The following ABI3BP variants were observed in gnomAD, a reference collection of about 807,000 sequenced individuals.
The protein encoded by ABI3BP is target of Nesh-SH3.
Under a neutral mutation model 268.6 loss-of-function variants are expected in ABI3BP, and 216 were observed. The ratio of observed to expected loss-of-function variants is 0.80; its 90% CI spans 0.72 to 0.90. ABI3BP has a LOEUF of 0.90. ABI3BP is among the 40% of genes least tolerant of loss of function. The pLI, the probability that ABI3BP is intolerant of heterozygous loss-of-function variation, is 0.00. For synonymous variants in ABI3BP, 730 were observed against 730.0 expected, an observed-to-expected ratio of 1.00 and a Z score of 0.00; for missense variants, 2,090 against 2,182.4, an observed-to-expected ratio of 0.96 and a Z score of 0.84.
rs150792696 is a variant in ABI3BP, at chr3:100,881,845, T to C, written c.696+3691A>G. On this transcript the variant is annotated intron_variant, in intron 6 of 67. Coordinates refer to ENST00000471714, the MANE Select transcript of ABI3BP (RefSeq NM_001375547.2). ...GAGCAATATTGAAAACATTTAACAA[T>C]TGGTAGAACAAAGGTACTAGCCAAC... 2.3e-3 allele frequency among the ~76,000 whole-genome samples: 352 copies of C among 152,276 alleles called. 1 individual carries two copies. Among genetic ancestry groups the C allele is most frequent in the Non-Finnish European group, 3.8e-3 (260 of 68,016 alleles).
chr3:100,875,608 G>A (rs1420486307), intron 7 of ABI3BP, 29 bp from the exon 8 acceptor site: 2 of 1,544,458 alleles, frequency 1.3e-6, no homozygotes, highest in Middle Eastern at 1.7e-4. Flanking sequence ...ACAGTGTGAG[G>A]GGGTGGGAAA....
chr3:100,827,486 A>G (rs977803618), intron 34 of ABI3BP, among the ~76,000 whole-genome samples: 15 of 152,146 alleles, frequency 9.9e-5, no homozygotes, highest in African/African-American at 3.6e-4. Flanking sequence ...TGTGCTGTGC[A>G]TGATATGTTC....
chr3:100,763,559 G>T lies in ABI3BP; in HGVS notation c.4850+2282C>A, dbSNP rs192182516. ...GGATAGGTTTTAGGGGTCCTCCTCA[G>T]AAGGCCCACTGACAAAAGACAGGAG... On this transcript the variant is annotated intron_variant, in intron 63 of 67. Coordinates refer to ENST00000471714, the MANE Select transcript of ABI3BP (RefSeq NM_001375547.2). Among the ~76,000 whole-genome samples, 634 of 152,248 alleles carry T rather than the reference G, an allele frequency of 4.2e-3. 4 individuals are homozygous for T. Among genetic ancestry groups the T allele is most frequent in the African/African-American group, 0.015 (604 of 41,540 alleles).
At chr3:100,859,952 G>A (rs9830090) in intron 14 of ABI3BP, among the ~76,000 whole-genome samples, 51,595 of 151,960 alleles carry the variant, frequency 0.34, 9,363 homozygotes, top group African/African-American at 0.46. Flanking sequence ...GGTGCCTGTA[G>A]TCTCAGCTAC....
At chr3:100,838,521 T>A (rs2098640392) in intron 24 of ABI3BP, 57 bp from the exon 25 acceptor site, 1 of 1,336,268 alleles carries the variant, frequency 7.5e-7, no homozygotes, top group Non-Finnish European at 1.0e-6. Flanking sequence ...CTGTCAAAAT[T>A]AAGGACAATT....
rs144604645 is a variant in ABI3BP at position 100,869,330 on chromosome 3, G to GTTTTTTTTTTTTTTTTTTTTTTTT, written c.911-2398_911-2375dup. The stretch of plus-strand genomic sequence containing the variant: ...ATATTGTTTTTTCTTCTTCTTTTTG[G>GTTTTTTTTTTTTTTTTTTTTTTTT]TTTTTTTTTTTTTTTTTTTTTTTTT... On this transcript the variant is annotated intron_variant, in intron 9 of 67. Transcript: ENST00000471714. Among the ~76,000 whole-genome samples, 135 of 49,760 alleles carry GTTTTTTTTTTTTTTTTTTTTTTTT rather than the reference G, an allele frequency of 2.7e-3. 28 individuals are homozygous for GTTTTTTTTTTTTTTTTTTTTTTTT. The highest frequency in any genetic ancestry group is 6.2e-3 in the East Asian group (8 of 1,294). 32.6% of individuals were successfully genotyped at this position (49,760 alleles called of 152,430 possible).
chr3:100,840,318 T>C lies in ABI3BP; in HGVS notation c.1805-154A>G, dbSNP rs2098673728. Among the ~76,000 whole-genome samples the C allele has an allele frequency of 2.0e-5, 3 of 152,196 alleles. No individual in the cohort carries two copies. The South Asian group carries it at 6.2e-4, about 31-fold the overall frequency. ...CAAACTTCTATCATTATTTATGTAG[T>C]TAAATGAGGTCTTGAATAATTTTTT... is the stretch of plus-strand genomic sequence containing the variant. On this transcript the variant is annotated intron_variant, in intron 22 of 67. Transcript: ENST00000471714.
At chr3:100,876,450 T>C (rs1274085757) in intron 7 of ABI3BP, 62 bp downstream of exon 7, 2 of 1,405,540 alleles carry the variant, frequency 1.4e-6, no homozygotes, top group African/African-American at 2.9e-5. Context: ...CCGTGTTTGA[T>C]TACCTTAGCT....
At chr3:100,837,411 A>AT (rs1204380080) in intron 26 of ABI3BP, 13 of 411,350 alleles carry the variant, frequency 3.2e-5, no homozygotes, top group Middle Eastern at 1.3e-3. Context: ...GAGAACTGTT[A>AT]TATAAATATC....
chr3:100,795,574 A>G (rs142724892), intron 53 of ABI3BP, among the ~76,000 whole-genome samples: 158 of 152,214 alleles, frequency 1.0e-3, no homozygotes, highest in African/African-American at 3.2e-3. Context: ...ACATGGAGAT[A>G]GATGAAGTAA....
intron 46 of ABI3BP, among the ~76,000 whole-genome samples, chr3:100,812,030 T>C (rs1183276499): frequency 6.6e-6 from 1 of 152,002 alleles, no homozygotes; most frequent in Non-Finnish European, 1.5e-5. Context: ...CCATACATAA[T>C]GTGTGGCAGA....
intron 1 of ABI3BP, among the ~76,000 whole-genome samples, chr3:100,993,078 A>G (rs189773361): frequency 4.6e-5 from 7 of 152,334 alleles, no homozygotes; most frequent in Admixed American, 4.6e-4. Context: ...CAGCTGCTCA[A>G]TGTAATAAGT....
rs2099153255 is a variant in ABI3BP at position 100,875,529 on chromosome 3, G to T, written c.796C>A (p.Pro266Thr). 6.2e-7 allele frequency: 1 copy of T among 1,612,890 alleles called. No homozygotes were observed. Among genetic ancestry groups the T allele is most frequent in the Non-Finnish European group, 8.5e-7 (1 of 1,178,930 alleles). ...TCACCTAGTATCACTCCTCCCAGTG[G>T]AGCTTTTTCTGGGGATTTAGCTGAA... is the stretch of plus-strand genomic sequence containing the variant. ...KDSAKSPEKA[P>T]LGGVILVHLI... Residue 266 changes from proline to threonine, a missense_variant, in exon 8 of 68, where the codon CCA becomes ACA. Coordinates refer to ENST00000471714, the MANE Select transcript of ABI3BP (RefSeq NM_001375547.2).
intron 40 of ABI3BP, among the ~76,000 whole-genome samples, chr3:100,819,222 A>G (rs553531411): frequency 6.6e-6 from 1 of 152,304 alleles, no homozygotes; most frequent in Admixed American, 6.5e-5. Flanking sequence ...AGCTGTCATC[A>G]CTACTTAGAA....
chr3:100,806,629 A>G (rs2097714659), intron 50 of ABI3BP, among the ~76,000 whole-genome samples: 1 of 152,102 alleles, frequency 6.6e-6, no homozygotes, highest in Non-Finnish European at 1.5e-5. Flanking sequence ...AGTAGCACTG[A>G]CAAAGCCAGA....
At chr3:100,902,114 C>A (rs1254030032) in intron 3 of ABI3BP, among the ~76,000 whole-genome samples, 2 of 152,128 alleles carry the variant, frequency 1.3e-5, no homozygotes, top group African/African-American at 4.8e-5. Flanking sequence ...GTAAATAAAA[C>A]CTACATGCTG....
chr3:100,847,714 A>G (rs753769120), intron 18 of ABI3BP, 41 bp from the exon 19 acceptor site: 6 of 1,538,326 alleles, frequency 3.9e-6, no homozygotes, highest in Admixed American at 1.7e-5. Context: ...TATCCTAGAG[A>G]CAATAAAAAG....
intron 14 of ABI3BP, among the ~76,000 whole-genome samples, chr3:100,853,593 A>G (rs974424422): frequency 2.0e-5 from 3 of 152,152 alleles, no homozygotes; most frequent in African/African-American, 7.2e-5. Context: ...GCTCCCTTCC[A>G]TTTAGTGACA....
chr3:100,972,744 A>G (rs1017639265), intron 1 of ABI3BP, among the ~76,000 whole-genome samples: 2 of 152,182 alleles, frequency 1.3e-5, no homozygotes, highest in African/African-American at 4.8e-5. Flanking sequence ...TCACATCAAC[A>G]TGCATGATTT....
Sources: allele counts gnomAD v4.1 joint callset (sites outside exome capture counted in the v4.1 genomes callset), GRCh38; gene constraint gnomAD v4.1.1; transcripts MANE v1.5; gene names NCBI Gene and HGNC (gene_info 2026-07-23, HGNC 2026-07-21).